The following LYPLAL1 variants were observed in gnomAD, a reference collection of about 807,000 sequenced individuals.
LYPLAL1 encodes lysophospholipase like 1.
Under a neutral mutation model 19.7 loss-of-function variants are expected in LYPLAL1, and 23 were observed. The observed-to-expected ratio is 1.17, with a 90% CI of 0.84 to 1.65. LYPLAL1 has a LOEUF of 1.65. Ranked by LOEUF, LYPLAL1 falls within the 40% of genes most tolerant of loss-of-function variation. LYPLAL1 has a pLI of 0.00. For synonymous variants in LYPLAL1, 119 were observed against 96.3 expected (o/e 1.24, Z -1.38); for missense variants, 355 against 279.4 (o/e 1.27, Z -1.93).
intron 2 of LYPLAL1, among the ~76,000 whole-genome samples, chr1:219,186,914 T>A (rs1185490916): frequency 1.3e-5 from 2 of 151,796 alleles, no homozygotes; most frequent in Non-Finnish European, 3.0e-5. Context: ...TGTTTCCCTT[T>A]CACACTTTCT....
chr1:219,374,607 A>G, the LYPLAL1 span, among the ~76,000 whole-genome samples: 1 of 152,210 alleles, frequency 6.6e-6, no homozygotes, highest in East Asian at 1.9e-4. Context: ...TTGTTCCTAT[A>G]GACAGGATTT....
chr1:219,414,372 C>T, the LYPLAL1 span, among the ~76,000 whole-genome samples: 2 of 152,168 alleles, frequency 1.3e-5, no homozygotes, highest in Admixed American at 1.3e-4. Flanking sequence ...ATAGCTTTAG[C>T]ACACTGACTG....
At chr1:219,352,214 T>C in the LYPLAL1 span, among the ~76,000 whole-genome samples, 5 of 152,142 alleles carry the variant, frequency 3.3e-5, no homozygotes, top group Admixed American at 2.0e-4. Flanking sequence ...CTCAGTCTCT[T>C]CACCTATAAA....
downstream of LYPLAL1, among the ~76,000 whole-genome samples, chr1:219,214,488 A>G (rs1286446913): frequency 6.6e-6 from 1 of 152,016 alleles, no homozygotes; most frequent in Non-Finnish European, 1.5e-5. Context: ...CTTTAGTGAA[A>G]TCATCTGGGC....
chr1:219,238,298 C>T, the LYPLAL1 span, among the ~76,000 whole-genome samples: 20 of 116,118 alleles, frequency 1.7e-4, no homozygotes, highest in East Asian at 2.7e-3. Flanking sequence ...CCACCGCGCC[C>T]GGCTAATTTT....
chr1:219,222,353 A>C, the LYPLAL1 span: 29 of 152,120 alleles, frequency 1.9e-4, no homozygotes, highest in Non-Finnish European at 8.8e-5. Flanking sequence ...AACTCAATCT[A>C]AAAAATAAGA....
the LYPLAL1 span, among the ~76,000 whole-genome samples, chr1:219,386,986 C>G: frequency 5.3e-5 from 8 of 152,294 alleles, no homozygotes; most frequent in South Asian, 1.7e-3. Context: ...ACTATTTTAA[C>G]AATGCAGACC....
At chr1:219,268,855 A>G in the LYPLAL1 span, among the ~76,000 whole-genome samples, 2 of 152,236 alleles carry the variant, frequency 1.3e-5, no homozygotes, top group African/African-American at 4.8e-5. Flanking sequence ...GTGCTTGCTA[A>G]GTTCAGAAGG....
chr1:219,174,352 C>T (rs1000087820), intron 1 of LYPLAL1: 3 of 1,033,326 alleles, frequency 2.9e-6, no homozygotes, highest in Middle Eastern at 4.5e-4. Flanking sequence ...TCATTATCAG[C>T]TACTAGTGAT....
rs1230957150 is a variant in LYPLAL1, at chr1:219,212,434, A to G, written c.*706A>G. 1.3e-5 allele frequency: 2 copies of G among 152,076 alleles called. No homozygotes were observed. Among genetic ancestry groups the G allele is most frequent in the African/African-American group, 4.8e-5 (2 of 41,448 alleles). The allele number at this position is 152,076 out of a possible 1,614,324, so 9.4% of individuals were successfully genotyped here. On this transcript the variant is annotated 3_prime_UTR_variant, in exon 5 of 5. Coordinates refer to ENST00000366928, the MANE Select transcript of LYPLAL1 (RefSeq NM_138794.5). ...TAAATAAATAGCCAAAAGCCAATAC[A>G]TAATAAACACTCAATAAAGATTAAC...
At chr1:219,179,463 A>G (rs1352140958) in intron 2 of LYPLAL1, 9 of 467,552 alleles carry the variant, frequency 1.9e-5, no homozygotes, top group Non-Finnish European at 3.4e-5. Context: ...AGCATTCCCT[A>G]AAGCTCTGAA....
the LYPLAL1 span, among the ~76,000 whole-genome samples, chr1:219,293,314 G>C: frequency 1.3e-5 from 2 of 152,018 alleles, no homozygotes; most frequent in Admixed American, 1.3e-4. Context: ...AAGGAATATA[G>C]GGTATTTCCC....
At chr1:219,435,101 A>ATGGTGATCACAATCAAC in the LYPLAL1 span, 1 of 152,250 alleles carries the variant, frequency 6.6e-6, no homozygotes, top group Non-Finnish European at 1.5e-5. Flanking sequence ...CATTGATGTC[A>ATGGTGATCACAATCAAC]TGGTGATCAC....
At chr1:219,321,526 T>C in the LYPLAL1 span, among the ~76,000 whole-genome samples, 1 of 152,220 alleles carries the variant, frequency 6.6e-6, no homozygotes. Flanking sequence ...CATGTCTATG[T>C]CCTGAATGGT....
At chr1:219,353,693 A>G in the LYPLAL1 span, among the ~76,000 whole-genome samples, 1 of 152,232 alleles carries the variant, frequency 6.6e-6, no homozygotes, top group Non-Finnish European at 1.5e-5. Flanking sequence ...AAAGAAAGAA[A>G]ACAGAATTCA....
chr1:219,287,248 T>A, the LYPLAL1 span, among the ~76,000 whole-genome samples: 14 of 152,166 alleles, frequency 9.2e-5, no homozygotes, highest in Non-Finnish European at 1.8e-4. Flanking sequence ...GTCCCGCCAA[T>A]ACGTAAATAA....
the LYPLAL1 span, among the ~76,000 whole-genome samples, chr1:219,415,346 C>A: frequency 6.6e-6 from 1 of 152,062 alleles, no homozygotes; most frequent in African/African-American, 2.4e-5. Context: ...GGAAGAAATC[C>A]CTGGAAGAGA....
chr1:219,303,013 G>A, the LYPLAL1 span, among the ~76,000 whole-genome samples: 1 of 152,100 alleles, frequency 6.6e-6, no homozygotes, highest in Admixed American at 6.5e-5. Context: ...TAGACTATGA[G>A]CTCACCAAAA....
chr1:219,434,349 G>A, the LYPLAL1 span, among the ~76,000 whole-genome samples: 7 of 152,202 alleles, frequency 4.6e-5, no homozygotes, highest in African/African-American at 1.7e-4. Context: ...AGAATCTATA[G>A]TTAAATGCTG....
Sources: gnomAD v4.1 joint callset for allele counts (sites outside exome capture counted in the v4.1 genomes callset) on GRCh38, gnomAD v4.1.1 for gene constraint, MANE v1.5 for transcripts, NCBI Gene and HGNC (gene_info 2026-07-23, HGNC 2026-07-21) for gene names.